The following LDLRAD3 variants were observed in gnomAD, a reference collection of about 807,000 sequenced individuals.
LDLRAD3 encodes the protein low-density lipoprotein receptor class A domain-containing protein 3.
Under a neutral mutation model 29.4 loss-of-function variants are expected in LDLRAD3, and 20 were observed. That is an observed-to-expected ratio of 0.68 (90% CI 0.48 to 0.99). LDLRAD3 has a LOEUF of 0.99. Among genes scored for constraint, LDLRAD3 ranks in the 50% least tolerant of loss-of-function variants. LDLRAD3 has a pLI of 0.00. For missense variants in LDLRAD3, 420 were observed against 454.3 expected, an observed-to-expected ratio of 0.92 and a Z score of 0.69; for synonymous variants, 157 against 192.7, an observed-to-expected ratio of 0.81 and a Z score of 1.53.
chr11:36,044,830 G>T (rs541800746), intron 2 of LDLRAD3, among the ~76,000 whole-genome samples: 38 of 152,368 alleles, frequency 2.5e-4, no homozygotes, highest in African/African-American at 8.9e-4. Flanking sequence ...TAATGGACCT[G>T]CAGTGGGCGC....
chr11:36,004,336 G>T (rs1276899944), intron 1 of LDLRAD3, among the ~76,000 whole-genome samples: 1 of 152,180 alleles, frequency 6.6e-6, no homozygotes. Flanking sequence ...AAATGGGGCT[G>T]TAGTCCCCAC....
At chr11:36,183,160 G>A (rs544731998) in intron 4 of LDLRAD3, among the ~76,000 whole-genome samples, 2 of 152,280 alleles carry the variant, frequency 1.3e-5, no homozygotes, top group East Asian at 1.9e-4. Context: ...GACCCAGAGA[G>A]CTTAAGTGAT....
intron 4 of LDLRAD3, among the ~76,000 whole-genome samples, chr11:36,182,674 G>C (rs191026668): frequency 1.1e-4 from 16 of 152,236 alleles, no homozygotes; most frequent in African/African-American, 3.9e-4. Flanking sequence ...ACTTCCCCTG[G>C]AGTAGGGATT....
chr11:36,040,396 C>T (rs937548315), intron 2 of LDLRAD3, among the ~76,000 whole-genome samples: 4 of 151,950 alleles, frequency 2.6e-5, no homozygotes, highest in African/African-American at 9.7e-5. Context: ...CCACTATTGG[C>T]ATCCTGGAAG....
At chr11:36,099,347 T>G (rs1365311875) in intron 4 of LDLRAD3, among the ~76,000 whole-genome samples, 1 of 152,228 alleles carries the variant, frequency 6.6e-6, no homozygotes, top group East Asian at 1.9e-4. Context: ...ATACTAAGAT[T>G]TAAAATGCAC....
chr11:36,200,662 G>A (rs980004153), intron 4 of LDLRAD3, among the ~76,000 whole-genome samples: 2 of 152,166 alleles, frequency 1.3e-5, no homozygotes, highest in African/African-American at 2.4e-5. Context: ...CCAAATGCCT[G>A]CTCTGCCACT....
At chr11:36,068,791 C>T (rs893760244) in intron 2 of LDLRAD3, among the ~76,000 whole-genome samples, 4 of 152,218 alleles carry the variant, frequency 2.6e-5, no homozygotes, top group African/African-American at 9.6e-5. Flanking sequence ...GCTGGGATTA[C>T]AGGCGTGAGC....
chr11:36,145,716 G>A (rs1854181003), intron 4 of LDLRAD3, among the ~76,000 whole-genome samples: 1 of 151,118 alleles, frequency 6.6e-6, no homozygotes, highest in Admixed American at 6.6e-5. Context: ...CCCCAACCCT[G>A]TGCTCTCTGA....
intron 4 of LDLRAD3, among the ~76,000 whole-genome samples, chr11:36,128,754 C>G (rs1853880772): frequency 6.6e-6 from 1 of 151,334 alleles, no homozygotes; most frequent in Non-Finnish European, 1.5e-5. Context: ...GTGGCTGAGT[C>G]AGGAGAATCG....
chr11:35,963,198 G>T (rs73448414), intron 1 of LDLRAD3, among the ~76,000 whole-genome samples: 2 of 152,078 alleles, frequency 1.3e-5, no homozygotes, highest in East Asian at 1.9e-4. Flanking sequence ...ACCAACCAAC[G>T]GTCCCATAGA....
intron 4 of LDLRAD3, among the ~76,000 whole-genome samples, chr11:36,138,140 C>T (rs1303031234): frequency 1.3e-5 from 2 of 152,226 alleles, no homozygotes; most frequent in Non-Finnish European, 2.9e-5. Flanking sequence ...AGGGAACCAT[C>T]TATTGCCTTG....
chr11:35,982,801 C>T lies in LDLRAD3; in HGVS notation c.46+38657C>T, dbSNP rs115526890. Reference sequence around the variant, plus strand: ...TGTGCATTCCATTCCTTTCCCAAGGCCACTGCTTGTGACATTTCTTGTGTC... The same window carrying T: ...TGTGCATTCCATTCCTTTCCCAAGGTCACTGCTTGTGACATTTCTTGTGTC... On this transcript the variant is annotated intron_variant, in intron 1 of 5. Transcript: ENST00000315571. Among the ~76,000 whole-genome samples, 1,203 of 151,092 alleles carry T rather than the reference C, an allele frequency of 8.0e-3. 17 individuals are homozygous for T. The highest frequency in any genetic ancestry group is 0.026 in the African/African-American group (1,056 of 41,030).
chr11:36,066,112 A>T (rs1852787863), intron 2 of LDLRAD3, among the ~76,000 whole-genome samples: 1 of 151,768 alleles, frequency 6.6e-6, no homozygotes, highest in African/African-American at 2.4e-5. Context: ...CTCTGAGTTC[A>T]TTCAGACTTG....
chr11:36,096,136 G>A (rs1367759887), intron 3 of LDLRAD3, among the ~76,000 whole-genome samples: 2 of 152,172 alleles, frequency 1.3e-5, no homozygotes, highest in African/African-American at 2.4e-5. Flanking sequence ...AACACTGAAA[G>A]CACTGGTTTC....
intron 1 of LDLRAD3, among the ~76,000 whole-genome samples, chr11:35,959,073 C>T (rs1412755562): frequency 6.6e-6 from 1 of 152,206 alleles, no homozygotes; most frequent in Non-Finnish European, 1.5e-5. Flanking sequence ...ATCCCTGTTT[C>T]TTGCTGGCTT....
chr11:36,173,294 G>A (rs994754882), intron 4 of LDLRAD3, among the ~76,000 whole-genome samples: 10 of 150,830 alleles, frequency 6.6e-5, no homozygotes, highest in South Asian at 4.2e-4. Flanking sequence ...CCATTAACTC[G>A]TCATTTACAT....
chr11:36,214,157 G>A (rs553133595), intron 4 of LDLRAD3, among the ~76,000 whole-genome samples: 1 of 152,328 alleles, frequency 6.6e-6, no homozygotes, highest in East Asian at 1.9e-4. Flanking sequence ...TTCTAGGCGT[G>A]GCTGGCTAGA....
chr11:36,081,852 C>T, intron 3 of LDLRAD3, 74 bp downstream of exon 3: 2 of 1,567,414 alleles, frequency 1.3e-6, no homozygotes, highest in Non-Finnish European at 1.7e-6. Context: ...ATTGGTCACC[C>T]TCATCATGTG....
At chr11:36,059,358 GA>G (rs11304561) in intron 2 of LDLRAD3, among the ~76,000 whole-genome samples, 125,538 of 136,620 alleles carry the variant, frequency 0.92, 58,222 homozygotes, top group East Asian at 0.99. Context: ...CCCTGTCTCA[GA>G]AAAAAAAAAA....
Sources: gnomAD v4.1 joint callset for allele counts (sites outside exome capture counted in the v4.1 genomes callset) on GRCh38, gnomAD v4.1.1 for gene constraint, MANE v1.5 for transcripts, NCBI Gene and HGNC (gene_info 2026-07-23, HGNC 2026-07-21) for gene names.